The following PCDHA7 variants were observed in gnomAD, a reference collection of about 807,000 sequenced individuals.
PCDHA7 encodes protocadherin alpha 7.
Under a neutral mutation model 57.2 loss-of-function variants are expected in PCDHA7, and 37 were observed. That is an observed-to-expected ratio of 0.65 (90% CI 0.50 to 0.85). The LOEUF is 0.85. Ranked by LOEUF, PCDHA7 falls within the 40% of genes least tolerant of loss-of-function variation. PCDHA7 has a pLI of 0.00. For synonymous variants in PCDHA7, 553 were observed against 558.8 expected, an observed-to-expected ratio of 0.99 and a Z score of 0.15; for missense variants, 1,188 against 1,241.8, an observed-to-expected ratio of 0.96 and a Z score of 0.65.
At chr5:140,838,077 A>ATAGT (rs1203070308) in intron 1 of PCDHA7, among the ~76,000 whole-genome samples, 13 of 80,664 alleles carry the variant, frequency 1.6e-4, no homozygotes, top group Non-Finnish European at 3.2e-4. Flanking sequence ...ATATATATAT[A>ATAGT]GTGTGTGTGT....
At chr5:140,925,052 A>G (rs1221049582) in intron 1 of PCDHA7, among the ~76,000 whole-genome samples, 1 of 151,720 alleles carries the variant, frequency 6.6e-6, no homozygotes, top group African/African-American at 2.4e-5. Context: ...TTGAGACCAG[A>G]CTGGGCAACA....
At chr5:140,869,591 A>AGAAT in intron 1 of PCDHA7, 1 of 1,614,138 alleles carries the variant, frequency 6.2e-7, no homozygotes. Flanking sequence ...GCTGACATTG[A>AGAAT]AGAGAATGCT....
At chr5:141,005,228 C>G (rs974482410) in intron 3 of PCDHA7, among the ~76,000 whole-genome samples, 11 of 152,182 alleles carry the variant, frequency 7.2e-5, no homozygotes, top group Admixed American at 2.0e-4. Flanking sequence ...TACTAAACAC[C>G]TGTTATGGGC....
chr5:140,870,346 G>C (rs782365260), intron 1 of PCDHA7: 2 of 1,614,236 alleles, frequency 1.2e-6, no homozygotes, highest in Non-Finnish European at 1.7e-6. Context: ...CCTGGACCGC[G>C]AGAACGTGTG....
chr5:140,864,192 T>A (rs528891456), intron 1 of PCDHA7: 1 of 152,324 alleles, frequency 6.6e-6, no homozygotes, highest in Admixed American at 6.5e-5. Flanking sequence ...TAATGATCCT[T>A]ATGAGAAGGT....
chr5:140,879,612 G>T (rs1554170881), intron 1 of PCDHA7, among the ~76,000 whole-genome samples: 1 of 152,172 alleles, frequency 6.6e-6, no homozygotes, highest in East Asian at 1.9e-4. Context: ...ATGTGTCCAG[G>T]TACTTAGGTG....
At chr5:140,905,594 G>A (rs62384488) in intron 1 of PCDHA7, among the ~76,000 whole-genome samples, 48,024 of 151,986 alleles carry the variant, frequency 0.32, 7,949 homozygotes, top group East Asian at 0.53. Flanking sequence ...ATTTTGCTGG[G>A]AATTGCATTG....
chr5:141,010,205 G>A lies in PCDHA7; in HGVS notation c.*268G>A, dbSNP rs1554262753. On this transcript the variant is annotated 3_prime_UTR_variant, in exon 4 of 4. Transcript: ENST00000525929. ...ACCCAAGTTTCCTTTCTCCTCCGCC[G>A]CAAAGGAGAGGCTTCCCAGCCCCGC... 4 of 1,551,732 alleles carry A rather than the reference G, an allele frequency of 2.6e-6. No homozygotes were observed. Among genetic ancestry groups the A allele is most frequent in the African/African-American group, 1.4e-5 (1 of 73,014 alleles).
At chr5:140,856,553 T>TAC (rs1455018619) in intron 1 of PCDHA7, 2 of 1,598,066 alleles carry the variant, frequency 1.3e-6, no homozygotes, top group African/African-American at 2.7e-5. Flanking sequence ...ATTGCTTACT[T>TAC]ACAAACTCAG....
chr5:140,860,028 C>A (rs2046140974), intron 1 of PCDHA7: 1 of 151,914 alleles, frequency 6.6e-6, no homozygotes, highest in South Asian at 2.1e-4. Context: ...GTGGCTCACA[C>A]CTGTAATCCC....
At chr5:140,934,957 G>A (rs2090122349) in intron 1 of PCDHA7, among the ~76,000 whole-genome samples, 1 of 152,250 alleles carries the variant, frequency 6.6e-6, no homozygotes, top group Non-Finnish European at 1.5e-5. Context: ...GATCCCATGT[G>A]CTTGTCACCC....
At chr5:140,849,513 G>A (rs2150439555) in intron 1 of PCDHA7, 1 of 1,597,076 alleles carries the variant, frequency 6.3e-7, no homozygotes, top group Non-Finnish European at 8.6e-7. Context: ...TCTTGTGGAA[G>A]TTGTGGATGT....
intron 1 of PCDHA7, among the ~76,000 whole-genome samples, chr5:140,918,402 T>C (rs906018367): frequency 1.3e-5 from 2 of 152,212 alleles, no homozygotes; most frequent in African/African-American, 4.8e-5. Flanking sequence ...GCCTGATTTC[T>C]CTGGCCAGGA....
intron 1 of PCDHA7, among the ~76,000 whole-genome samples, chr5:140,899,014 T>C (rs2067098044): frequency 6.6e-6 from 1 of 151,934 alleles, no homozygotes. Context: ...TGTATAAGAA[T>C]GCTTGTGATT....
At chr5:140,942,867 C>T (rs1023164811) in intron 1 of PCDHA7, among the ~76,000 whole-genome samples, 5 of 151,858 alleles carry the variant, frequency 3.3e-5, no homozygotes, top group Admixed American at 1.3e-4. Context: ...TTTGCTTTAG[C>T]ATGACAACTT....
In PCDHA7 at chr5:140,836,205, T is replaced by C. The variant is rs1774283455; in HGVS notation, c.1822T>C (p.Ser608Pro). 2 of 1,613,668 alleles carry C rather than the reference T, an allele frequency of 1.2e-6. No homozygotes were observed. Among genetic ancestry groups the C allele is most frequent in the African/African-American group, 2.7e-5 (2 of 74,842 alleles). Residue 608 changes from serine to proline, a missense_variant, in exon 1 of 4, where the codon TCG (serine) becomes CCG (proline). Coordinates refer to ENST00000525929, the MANE Select transcript of PCDHA7 (RefSeq NM_018910.3). ...TGACTCAGGCTACAACGCGTGGCTT[T>C]CGTATGAGTTGCAACCGGTGGCGGC... is the stretch of plus-strand genomic sequence containing the variant. ...DADSGYNAWL[S>P]YELQPVAAGA...
Position 141,009,928 on chromosome 5 carries a change from T to C in PCDHA7, c.2805T>C (p.Ser935=), listed in dbSNP as rs373891102. The change falls in exon 4 of 4, where the codon AGT becomes AGC. Residue 935 remains serine (S), a synonymous_variant. Transcript: ENST00000525929. The stretch of plus-strand genomic sequence containing the variant: ...AAGGGAACAGCACGACTGACAACAG[T>C]GACCAGTGAGGTCCTCAAATGGAAA... ...KEKGNSTTDN[S]DQ is the part of the protein sequence containing the mutation. 3 of 1,607,808 alleles carry C rather than the reference T, an allele frequency of 1.9e-6. No homozygotes were observed. The highest frequency in any genetic ancestry group is 2.5e-6 in the Non-Finnish European group (3 of 1,178,138).
chr5:140,877,240 G>T, intron 1 of PCDHA7: 1 of 1,613,736 alleles, frequency 6.2e-7, no homozygotes, highest in Non-Finnish European at 8.5e-7. Flanking sequence ...TGCGGGCCAC[G>T]TGGTGGCGAA....
chr5:140,869,205 C>G, intron 1 of PCDHA7: 1 of 1,613,994 alleles, frequency 6.2e-7, no homozygotes. Flanking sequence ...TCCACTACTC[C>G]GTCTCGGAGG....
Sources: allele counts gnomAD v4.1 joint callset (sites outside exome capture counted in the v4.1 genomes callset), GRCh38; gene constraint gnomAD v4.1.1; transcripts MANE v1.5; gene names NCBI Gene and HGNC (gene_info 2026-07-23, HGNC 2026-07-21).